INPP5A: variants seen among roughly 807,000 people sequenced by gnomAD.
INPP5A encodes the protein 43 kDa inositol polyphosphate 5-phophatase.
Under a neutral mutation model 65.2 loss-of-function variants are expected in INPP5A, and 14 were observed. The ratio of observed to expected loss-of-function variants is 0.21; its 90% confidence interval spans 0.14 to 0.34. The LOEUF (loss-of-function observed/expected upper bound fraction) is 0.34, where lower values mean the gene tolerates loss of function less well. Among genes scored for constraint, INPP5A ranks in the 10% least tolerant of loss-of-function variants. INPP5A has a pLI of 1.00. For missense variants in INPP5A, 431 were observed against 545.6 expected (o/e 0.79, Z 2.09); for synonymous variants, 207 against 208.3 (o/e 0.99, Z 0.05).
At chr10:132,566,747 C>G (rs973572673) in intron 1 of INPP5A, among the ~76,000 whole-genome samples, 2 of 152,198 alleles carry the variant, frequency 1.3e-5, no homozygotes, top group African/African-American at 4.8e-5. Context: ...AACACAGAAT[C>G]AGGCATTTCC....
intron 1 of INPP5A, among the ~76,000 whole-genome samples, chr10:132,604,483 C>T (rs962499066): frequency 1.3e-5 from 2 of 152,234 alleles, no homozygotes; most frequent in Non-Finnish European, 2.9e-5. Flanking sequence ...TCCTTCTCTT[C>T]CTCTTCCCCC....
At chr10:132,614,083 C>T (rs115907802) in intron 2 of INPP5A, among the ~76,000 whole-genome samples, 2,208 of 152,296 alleles carry the variant, frequency 0.014, 45 homozygotes, top group African/African-American at 0.049. Flanking sequence ...GCACCCTCGA[C>T]GCCTTTGGGA....
chr10:132,683,420 G>A (rs1040712609), intron 4 of INPP5A, among the ~76,000 whole-genome samples: 11 of 152,202 alleles, frequency 7.2e-5, no homozygotes, highest in African/African-American at 2.4e-4. Flanking sequence ...TGGAGGGCAC[G>A]TGTCTGCGGT....
intron 12 of INPP5A, among the ~76,000 whole-genome samples, chr10:132,768,461 G>A (rs1428499104): frequency 6.6e-6 from 1 of 152,216 alleles, no homozygotes; most frequent in East Asian, 1.9e-4. Context: ...CTTCCTCTTC[G>A]GCATTTGGCT....
At chr10:132,718,007 C>G (rs1845774920) in intron 8 of INPP5A, among the ~76,000 whole-genome samples, 1 of 141,508 alleles carries the variant, frequency 7.1e-6, no homozygotes, top group African/African-American at 2.7e-5. Flanking sequence ...CTTCAGGGTT[C>G]TGTGGTACCT....
chr10:132,683,097 G>A (rs1232828558), intron 4 of INPP5A, among the ~76,000 whole-genome samples: 1 of 151,370 alleles, frequency 6.6e-6, no homozygotes, highest in Non-Finnish European at 1.5e-5. Flanking sequence ...GTGCACACGT[G>A]TGTGTTATCC....
chr10:132,731,409 G>GCGTATCAGACGCCCCTGGAAGTGACTGCA (rs1846083163), intron 9 of INPP5A, among the ~76,000 whole-genome samples: 1 of 151,114 alleles, frequency 6.6e-6, no homozygotes, highest in Non-Finnish European at 1.5e-5. Context: ...AAGTGACTGC[G>GCGTATCAGACGCCCCTGGAAGTGACTGCA]TCCCTCCTGC....
chr10:132,647,177 G>A (rs1220076440), intron 3 of INPP5A, among the ~76,000 whole-genome samples: 1 of 150,868 alleles, frequency 6.6e-6, no homozygotes, highest in African/African-American at 2.4e-5. Flanking sequence ...GTGCAGTGGC[G>A]TGATCTGAGC....
chr10:132,718,491 G>A lies in INPP5A; in HGVS notation c.647+8035G>A, dbSNP rs4880271. On this transcript the variant is annotated intron_variant, in intron 8 of 15. Transcript: ENST00000368594. The stretch of plus-strand genomic sequence containing the variant: ...TTCTGTGGTGCCTGGGTTCTCTCTG[G>A]GCGCCTTAGATGGCTGTCTTGCGGG... Among the ~76,000 whole-genome samples, 212 of 148,984 alleles carry A rather than the reference G, an allele frequency of 1.4e-3. 4 individuals carry two copies. In the South Asian group the frequency reaches 0.02, roughly 14 times the overall value.
At chr10:132,718,287 G>A (rs1272099717) in intron 8 of INPP5A, among the ~76,000 whole-genome samples, 2 of 140,992 alleles carry the variant, frequency 1.4e-5, no homozygotes, top group Admixed American at 1.4e-4. Context: ...TCTTTCTGGG[G>A]GCGCCTTAGA....
chr10:132,547,835 A>G lies in INPP5A; in HGVS notation c.75+9664A>G, dbSNP rs929869815. Reference sequence around the variant, plus strand: ...TCCTGTCATACTGTGCTTTACCGTGACTGTGGCGTCACACTCAGGTGTGCT... The same window carrying G: ...TCCTGTCATACTGTGCTTTACCGTGGCTGTGGCGTCACACTCAGGTGTGCT... On this transcript the variant is annotated intron_variant, in intron 1 of 15. Transcript: ENST00000368594. The surrounding 1 kb of genome is among the most constrained non-coding windows in gnomAD (Gnocchi z 5.5). Among the ~76,000 whole-genome samples the G allele has an allele frequency of 3.3e-5, 5 of 151,608 alleles. No homozygotes were observed. Among genetic ancestry groups the G allele is most frequent in the African/African-American group, 1.2e-4 (5 of 41,226 alleles).
Position 132,650,582 on chromosome 10 carries a change from T to C in INPP5A, c.306+77T>C, listed in dbSNP as rs1037011935. 9.6e-7 allele frequency: 1 copy of C among 1,039,800 alleles called. No homozygotes were observed. The highest frequency in any genetic ancestry group is 1.5e-6 in the Non-Finnish European group (1 of 669,566). 64.4% of individuals were successfully genotyped at this position (1,039,800 alleles called of 1,614,324 possible). ...GAAGCCAGCCCTTCTCCTGTGTAAA[T>C]GGAGAGAGGTCGGGGTGCTCCCTGC... On this transcript the variant is annotated intron_variant, in intron 4 of 15. Coordinates refer to ENST00000368594, the MANE Select transcript of INPP5A (RefSeq NM_005539.5). This position sits in a 1 kb window ranked among gnomAD's most constrained non-coding sequence, Gnocchi z 5.5.
At position 132,650,856 on chromosome 10, in the gene INPP5A, G is replaced by A. The variant is rs1378322232; in HGVS notation, c.306+351G>A. Among the ~76,000 whole-genome samples the A allele has an allele frequency of 6.6e-6, 1 of 151,552 alleles. No individual in the cohort carries two copies. The highest frequency in any genetic ancestry group is 1.5e-5 in the Non-Finnish European group (1 of 67,794). On this transcript the variant is annotated intron_variant, in intron 4 of 15. Transcript: ENST00000368594. The surrounding 1 kb of genome is among the most constrained non-coding windows in gnomAD (Gnocchi z 5.5). ...GTAGATGAGAGGTTGGACAGCAGCC[G>A]GTATTGCTTCAAGAGCCACCGTCGC...
intron 1 of INPP5A, among the ~76,000 whole-genome samples, chr10:132,586,873 G>A (rs527729842): frequency 1.1e-4 from 17 of 152,364 alleles, no homozygotes; most frequent in Non-Finnish European, 1.8e-4. Context: ...GTCAGAAGGC[G>A]GCGCAGCGCG....
intron 9 of INPP5A, among the ~76,000 whole-genome samples, chr10:132,738,772 C>T (rs1846223184): frequency 6.6e-6 from 1 of 152,214 alleles, no homozygotes; most frequent in Non-Finnish European, 1.5e-5. Flanking sequence ...TGACAATGAA[C>T]ACAGAGAGGA....
At chr10:132,607,303 GCGTGTGTGCA>G (rs529320471) in intron 1 of INPP5A, among the ~76,000 whole-genome samples, 29 of 152,366 alleles carry the variant, frequency 1.9e-4, no homozygotes, top group African/African-American at 5.0e-4. Context: ...GAGTTTCCTT[GCGTGTGTGCA>G]CGTGTGTGCA....
chr10:132,764,598 G>C (rs565641405), intron 11 of INPP5A, among the ~76,000 whole-genome samples: 2 of 142,906 alleles, frequency 1.4e-5, no homozygotes, highest in Admixed American at 1.4e-4. Flanking sequence ...TCCTGCAGGG[G>C]TGGGAGGGTG....
chr10:132,685,500 G>A lies in INPP5A; in HGVS notation c.307-4892G>A, dbSNP rs376012849. ...GTTTTAGGAATGTGTTCTGTTTTGT[G>A]CACGAGGGAGCTGGGTGCAGAAGAC... is the stretch of plus-strand genomic sequence containing the variant. On this transcript the variant is annotated intron_variant, in intron 4 of 15. Coordinates refer to ENST00000368594, the MANE Select transcript of INPP5A (RefSeq NM_005539.5). Among the ~76,000 whole-genome samples the A allele has an allele frequency of 1.0e-3, 155 of 152,384 alleles. 1 individual carries two copies. In the South Asian group the frequency reaches 0.031, roughly 31 times the overall value.
At chr10:132,773,227 G>A (rs896054919) in intron 12 of INPP5A, among the ~76,000 whole-genome samples, 7 of 152,334 alleles carry the variant, frequency 4.6e-5, no homozygotes, top group East Asian at 1.9e-4. Context: ...ATTGCTACCC[G>A]TCAAAACGTT....
Sources: gnomAD v4.1 joint callset for allele counts (sites outside exome capture counted in the v4.1 genomes callset) on GRCh38, gnomAD v4.1.1 for gene constraint, Gnocchi (gnomAD v3.1) non-coding constraint, MANE v1.5 for transcripts, NCBI Gene and HGNC (gene_info 2026-07-23, HGNC 2026-07-21) for gene names.